Variants in DSG3 observed in about 807,000 individuals in gnomAD.
DSG3 encodes desmoglein-3.
In DSG3, 63 loss-of-function variants were observed where a neutral mutation model predicts 85.9. The observed-to-expected ratio is 0.73, with a 90% CI of 0.60 to 0.90. DSG3 has a LOEUF of 0.90. Among genes scored for constraint, DSG3 ranks in the 40% least tolerant of loss-of-function variants. The pLI is 0.00. For synonymous variants in DSG3, 447 were observed against 441.9 expected (o/e 1.01, Z -0.14); for missense variants, 1,220 against 1,219.9 (o/e 1.00, Z 0.00).
At chr18:31,472,856 T>C (rs550289931) in intron 14 of DSG3, 68 bp downstream of exon 14, 905 of 1,396,026 alleles carry the variant, frequency 6.5e-4, no homozygotes, top group Non-Finnish European at 8.5e-4. Flanking sequence ...ATAAGAAGTG[T>C]TCAAACTATC....
chr18:31,457,543 C>G (rs2072750893), intron 3 of DSG3, among the ~76,000 whole-genome samples: 1 of 126,462 alleles, frequency 7.9e-6, no homozygotes, highest in Non-Finnish European at 1.6e-5. Flanking sequence ...TTCTTTCTTT[C>G]TTTCTCTTTC....
intron 4 of DSG3, among the ~76,000 whole-genome samples, 182 bp from the exon 5 acceptor site, chr18:31,458,851 G>A (rs1448565115): frequency 6.6e-6 from 1 of 152,186 alleles, no homozygotes; most frequent in Non-Finnish European, 1.5e-5. Context: ...GGTGGAAGGG[G>A]CAACTTGCCC....
Position 31,466,477 on chromosome 18 carries a change from T to C in DSG3, c.1412-53T>C. The C allele has an allele frequency of 2.0e-6, 3 of 1,511,996 alleles. No individual in the cohort carries two copies. The South Asian group carries it at 3.4e-5, about 17-fold the overall frequency. The allele number at this position is 1,511,996 out of a possible 1,614,324, so 93.7% of individuals were successfully genotyped here. A position where few individuals can be genotyped will look rare whatever the true frequency, so the allele number is the denominator to read the frequency against. On this transcript the variant is annotated intron_variant, in intron 10 of 15. Transcript: ENST00000257189. ...GAGAAATGTAAAAGATTCTCCTTTT[T>C]TGTACAACTTTGTTCTATACATTTC...
chr18:31,469,441 G>T (rs2072842517), intron 12 of DSG3, 92 bp downstream of exon 12: 3 of 1,508,938 alleles, frequency 2.0e-6, no homozygotes, highest in Admixed American at 2.1e-5. Flanking sequence ...AATGGGGAAA[G>T]AATATTCTCT....
chr18:31,453,826 C>T (rs2072725571), intron 1 of DSG3, among the ~76,000 whole-genome samples: 1 of 151,972 alleles, frequency 6.6e-6, no homozygotes, highest in African/African-American at 2.4e-5. Context: ...CGTCAGAAAA[C>T]TATGTAAATA....
intron 12 of DSG3, 92 bp from the exon 13 acceptor site, chr18:31,472,192 G>A (rs2072859403): frequency 6.4e-7 from 1 of 1,568,840 alleles, no homozygotes; most frequent in Non-Finnish European, 8.7e-7. Context: ...TTAAGATACT[G>A]TATTTTCTTT....
Position 31,451,347 on chromosome 18 carries a change from T to C in DSG3, c.48+3422T>C, listed in dbSNP as rs144647815. Among the ~76,000 whole-genome samples the C allele has an allele frequency of 1.7e-4, 26 of 152,270 alleles. 1 individual carries two copies. The East Asian group carries it at 4.8e-3, about 28-fold the overall frequency. On this transcript the variant is annotated intron_variant, in intron 1 of 15. Transcript: ENST00000257189. ...TAGGTAAAGCTTTCCTCACTAAAAA[T>C]TAATAGAGATGTTTGAAATCTAAAG...
intron 13 of DSG3, 147 bp from the exon 14 acceptor site, chr18:31,472,578 T>C (rs2072862653): frequency 9.7e-6 from 12 of 1,242,200 alleles, no homozygotes; most frequent in South Asian, 1.5e-5. Context: ...GCTCTTCAGA[T>C]GTCAAATCAC....
chr18:31,457,541 T>TTC (rs1568086327), intron 3 of DSG3, among the ~76,000 whole-genome samples: 29 of 125,450 alleles, frequency 2.3e-4, no homozygotes, highest in African/African-American at 6.3e-4. Context: ...CTTTCTTTCT[T>TTC]TCTTTCTCTT....
chr18:31,448,524 T>G (rs1395486028), intron 1 of DSG3, among the ~76,000 whole-genome samples: 2 of 152,166 alleles, frequency 1.3e-5, no homozygotes, highest in Admixed American at 6.5e-5. Flanking sequence ...AGCCATTTTT[T>G]TCAGAAAAGT....
chr18:31,450,704 C>T (rs1277395811), intron 1 of DSG3, among the ~76,000 whole-genome samples: 1 of 152,084 alleles, frequency 6.6e-6, no homozygotes, highest in East Asian at 1.9e-4. Context: ...GCTTTGTTTC[C>T]TCAACTGTCA....
intron 13 of DSG3, 60 bp downstream of exon 13, chr18:31,472,483 AT>A: frequency 6.4e-7 from 1 of 1,558,980 alleles, no homozygotes; most frequent in Non-Finnish European, 8.7e-7. Context: ...TTTGATTTAC[AT>A]TGAGATAGGA....
At position 31,456,476 on chromosome 18, in the gene DSG3, G is replaced by T. The variant is rs776757048; in HGVS notation, c.84+1G>T. 1 of 1,331,766 alleles carries T rather than the reference G, an allele frequency of 7.5e-7. No individual in the cohort carries two copies. The highest frequency in any genetic ancestry group is 2.8e-5 in the East Asian group (1 of 35,970). The allele number at this position is 1,331,766 out of a possible 1,614,324, so 82.5% of individuals were successfully genotyped here. On this transcript the variant is annotated splice_donor_variant, in intron 2 of 15. Transcript: ENST00000257189. LOFTEE classifies it high-confidence loss of function. ...GGTTCATGGAGAATTGCGAATAGAG[G>T]TAAAGTATGAAAAAGGTTTTTGTAC...
At position 31,459,070 on chromosome 18, in the gene DSG3, T is replaced by C. The variant is rs1490166093; in HGVS notation, c.410T>C (p.Val137Ala). The C allele has an allele frequency of 1.2e-6, 2 of 1,613,766 alleles. No homozygotes were observed. The highest frequency in any genetic ancestry group is 1.3e-5 in the African/African-American group (1 of 74,932). Residue 137 changes from valine to alanine, a missense_variant, in exon 5 of 16, where the codon GTA becomes GCA. Coordinates refer to ENST00000257189, the MANE Select transcript of DSG3 (RefSeq NM_001944.3). ...GCTCTAAATGCCCAAGGACTAGATGTAGAGAAACCACTTATACTAACGGTT... is the reference window on the plus strand; with the variant it reads ...GCTCTAAATGCCCAAGGACTAGATGCAGAGAAACCACTTATACTAACGGTT... ...CRALNAQGLD[V>A]EKPLILTVKI...
At position 31,464,328 on chromosome 18, in the gene DSG3, TG is replaced by T; in HGVS notation, c.1220del (p.Gly407GlufsTer29). The T allele has an allele frequency of 3.1e-6, 5 of 1,614,136 alleles. No homozygotes were observed. The highest frequency in any genetic ancestry group is 4.2e-6 in the Non-Finnish European group (5 of 1,180,004). ...ISSKKLVDYI[L>X]GTYQAIDEDT... Reference sequence around the variant, plus strand: ...AGCAAAAAATTGGTGGATTATATCCTGGGAACATATCAAGCCATCGATGAGG... The same window carrying T: ...AGCAAAAAATTGGTGGATTATATCCTGGAACATATCAAGCCATCGATGAGG... On this transcript the variant is annotated frameshift_variant, in exon 9 of 16. Transcript: ENST00000257189. LOFTEE classifies it high-confidence loss of function.
At chr18:31,461,538 A>G in intron 8 of DSG3, 126 bp downstream of exon 8, 1 of 920,696 alleles carries the variant, frequency 1.1e-6, no homozygotes, top group Non-Finnish European at 1.6e-6. Flanking sequence ...AAGTAGATTG[A>G]ATTTTTTGTA....
intron 1 of DSG3, among the ~76,000 whole-genome samples, chr18:31,454,048 A>G (rs1025850070): frequency 2.6e-5 from 4 of 152,208 alleles, no homozygotes; most frequent in African/African-American, 4.8e-5. Context: ...TTAAAAAAAT[A>G]CTATTCTAAA....
At position 31,474,393 on chromosome 18, in the gene DSG3, T is replaced by C; in HGVS notation, c.2374T>C (p.Tyr792His). Residue 792 changes from tyrosine (Y) to histidine (H), a missense_variant, in exon 15 of 16, where the codon TAC becomes CAC. By Grantham distance (83) the Tyr-to-His change is moderately conservative (BLOSUM62 2). Coordinates refer to ENST00000257189, the MANE Select transcript of DSG3 (RefSeq NM_001944.3). ...GATAAGCATGAATTTTCTGGACTCCTACTTTTCTCAGGTAATTTGGTGAAA... is the reference window on the plus strand; with the variant it reads ...GATAAGCATGAATTTTCTGGACTCCCACTTTTCTCAGGTAATTTGGTGAAA... ...GAISMNFLDS[Y>H]FSQKAFACAE... The C allele has an allele frequency of 6.3e-7, 1 of 1,599,806 alleles. No homozygotes were observed. The highest frequency in any genetic ancestry group is 8.5e-7 in the Non-Finnish European group (1 of 1,170,594).
chr18:31,447,862 A>G lies in DSG3; in HGVS notation c.-16A>G. The G allele has an allele frequency of 6.3e-7, 1 of 1,584,940 alleles. No individual in the cohort carries two copies. The highest frequency in any genetic ancestry group is 8.6e-7 in the Non-Finnish European group (1 of 1,168,774). ...AGCGGCTCACTTGGACTTTTTCACC[A>G]GGGAAATCAGAGACAATGATGGGGC... On this transcript the variant is annotated 5_prime_UTR_variant, in exon 1 of 16. Transcript: ENST00000257189.
Sources: allele counts gnomAD v4.1 joint callset (sites outside exome capture counted in the v4.1 genomes callset), GRCh38; gene constraint gnomAD v4.1.1; transcripts MANE v1.5; gene names NCBI Gene and HGNC (gene_info 2026-07-23, HGNC 2026-07-21).